The following RALGPS2 variants were observed in gnomAD, a reference collection of about 807,000 sequenced individuals.
RALGPS2 encodes the protein Ral GEF with PH domain and SH3 binding motif 2.
Under a neutral mutation model 86.8 loss-of-function variants are expected in RALGPS2, and 43 were observed. The observed-to-expected ratio is 0.50, with a 90% CI of 0.39 to 0.64. The LOEUF is 0.64. RALGPS2 is among the 30% of genes least tolerant of loss of function. The pLI is 0.00. For synonymous variants in RALGPS2, 243 were observed against 231.3 expected (o/e 1.05, Z -0.46); for missense variants, 536 against 694.6 (o/e 0.77, Z 2.57).
intron 8 of RALGPS2, among the ~76,000 whole-genome samples, chr1:178,839,802 A>C (rs1656490235): frequency 6.6e-6 from 1 of 152,192 alleles, no homozygotes; most frequent in Non-Finnish European, 1.5e-5. Context: ...CTCAAAATAA[A>C]GGGATGGAGG....
chr1:178,732,039 A>T (rs1026711339), intron 1 of RALGPS2, among the ~76,000 whole-genome samples: 1 of 152,150 alleles, frequency 6.6e-6, no homozygotes, highest in African/African-American at 2.4e-5. Context: ...AAGTATATGG[A>T]TAGACACATG....
chr1:178,739,938 C>T (rs1342923692), intron 1 of RALGPS2, among the ~76,000 whole-genome samples: 1 of 152,168 alleles, frequency 6.6e-6, no homozygotes, highest in Non-Finnish European at 1.5e-5. Context: ...ACAGATATAG[C>T]TATAAGGATG....
At chr1:178,784,376 GA>G (rs986035068) in intron 2 of RALGPS2, 41 bp from the exon 3 acceptor site, 30 of 1,470,040 alleles carry the variant, frequency 2.0e-5, no homozygotes, top group Non-Finnish European at 2.4e-5. Flanking sequence ...ACTTGATTGT[GA>G]GACAGTATGT....
chr1:178,749,652 T>C (rs1651538508), intron 1 of RALGPS2, among the ~76,000 whole-genome samples: 1 of 152,194 alleles, frequency 6.6e-6, no homozygotes, highest in African/African-American at 2.4e-5. Flanking sequence ...GTAAATTCAA[T>C]TTGATGAGGA....
chr1:178,892,453 C>A, intron 15 of RALGPS2, 146 bp downstream of exon 15: 1 of 662,390 alleles, frequency 1.5e-6, no homozygotes, highest in Non-Finnish European at 2.6e-6. Context: ...ACTTTCTTTC[C>A]AAGATCTAAT....
At chr1:178,889,785 A>G in intron 14 of RALGPS2, 89 bp downstream of exon 14, 1 of 909,544 alleles carries the variant, frequency 1.1e-6, no homozygotes, top group African/African-American at 1.7e-5. Context: ...AATATTTACT[A>G]CATATCCCTA....
At chr1:178,749,514 G>C (rs1651530060) in intron 1 of RALGPS2, among the ~76,000 whole-genome samples, 1 of 152,294 alleles carries the variant, frequency 6.6e-6, no homozygotes, top group Non-Finnish European at 1.5e-5. Flanking sequence ...ACCTTGAGGA[G>C]AGAGAAGGTA....
intron 6 of RALGPS2, among the ~76,000 whole-genome samples, chr1:178,814,407 T>C (rs1655131159): frequency 6.6e-6 from 1 of 152,192 alleles, no homozygotes; most frequent in Non-Finnish European, 1.5e-5. Flanking sequence ...ACAGAGTTCG[T>C]ACTAGCAGTG....
At chr1:178,825,230 G>C (rs891148562) in intron 7 of RALGPS2, among the ~76,000 whole-genome samples, 1 of 152,150 alleles carries the variant, frequency 6.6e-6, no homozygotes, top group Non-Finnish European at 1.5e-5. Context: ...CCAGAGATGG[G>C]ATTTTTCGAG....
chr1:178,810,080 T>TA lies in RALGPS2; in HGVS notation c.298-1222dup, dbSNP rs560014735. On this transcript the variant is annotated intron_variant, in intron 5 of 19. Transcript: ENST00000367635. ...TGGGCAACATACTAAGACCTTGTCT[T>TA]AAAAAAAAAAAAAGTCACGTTGGCC... Among the ~76,000 whole-genome samples the TA allele has an allele frequency of 2.4e-3, 332 of 141,258 alleles. 1 individual carries two copies. The highest frequency in any genetic ancestry group is 7.0e-3 in the South Asian group (31 of 4,442). The allele number at this position is 141,258 out of a possible 152,430, so 92.7% of individuals were successfully genotyped here. A position where few individuals can be genotyped will look rare whatever the true frequency, so the allele number is the denominator to read the frequency against.
chr1:178,763,444 A>G (rs1220981552), intron 1 of RALGPS2, among the ~76,000 whole-genome samples: 6 of 152,354 alleles, frequency 3.9e-5, no homozygotes, highest in Middle Eastern at 6.8e-3. Context: ...CAGCATGGCC[A>G]TTGGCCAAAC....
At chr1:178,751,374 A>T (rs904101090) in intron 1 of RALGPS2, among the ~76,000 whole-genome samples, 2 of 152,194 alleles carry the variant, frequency 1.3e-5, no homozygotes, top group African/African-American at 4.8e-5. Context: ...AGAAGTAAAT[A>T]CGAAGGAATT....
At position 178,756,077 on chromosome 1, in the gene RALGPS2, C is replaced by T. The variant is rs572936868; in HGVS notation, c.-83-20605C>T. 7.2e-5 allele frequency among the ~76,000 whole-genome samples: 11 copies of T among 152,232 alleles called. No homozygotes were observed. In the South Asian group the frequency reaches 2.1e-3, roughly 29 times the overall value. Reference sequence around the variant, plus strand: ...TAAATTTTGGGTATTAGACCTTTGTCAGATGCATAGTTGGTCAGTATTTTC... The same window carrying T: ...TAAATTTTGGGTATTAGACCTTTGTTAGATGCATAGTTGGTCAGTATTTTC... On this transcript the variant is annotated intron_variant, in intron 1 of 19. Coordinates refer to ENST00000367635, the MANE Select transcript of RALGPS2 (RefSeq NM_152663.5).
Position 178,823,784 on chromosome 1 carries a change from A to G in RALGPS2, c.480+2080A>G, listed in dbSNP as rs771227299. Among the ~76,000 whole-genome samples the G allele has an allele frequency of 9.9e-5, 15 of 152,260 alleles. 1 individual carries two copies. The South Asian group carries it at 1.0e-3, about 11-fold the overall frequency. Reference sequence around the variant, plus strand: ...AAGGACCATTGTGGGCTGGGGTTCTATTTTACACATACTGTGTTTGAGTTG... The same window carrying G: ...AAGGACCATTGTGGGCTGGGGTTCTGTTTTACACATACTGTGTTTGAGTTG... On this transcript the variant is annotated intron_variant, in intron 7 of 19. Transcript: ENST00000367635.
chr1:178,848,643 C>CA (rs1312211617), intron 8 of RALGPS2, among the ~76,000 whole-genome samples: 1 of 152,140 alleles, frequency 6.6e-6, no homozygotes, highest in Admixed American at 6.6e-5. Flanking sequence ...ATTTCATACC[C>CA]GAAAACTTGG....
chr1:178,811,290 AT>A, intron 5 of RALGPS2, 24 bp from the exon 6 acceptor site: 1 of 1,477,860 alleles, frequency 6.8e-7, no homozygotes. Flanking sequence ...TCATAGTGAT[AT>A]TTATTTAAAA....
rs1660404748 is a variant in RALGPS2, at chr1:178,906,803, A to G, written c.1658A>G (p.Asn553Ser). Residue 553 changes from asparagine to serine, a missense_variant, in exon 19 of 20, where the codon AAT becomes AGT. Asn to Ser is a conservative substitution (Grantham distance 46). Transcript: ENST00000367635. ...AATTCGTACAAGTTTCAAGCTGGCA[A>G]TAGAATGAATGCAATGTTATGGTTT... Reference protein sequence around the residue: ...KGNSYKFQAGNRMNAMLWFKH... With the variant: ...KGNSYKFQAGSRMNAMLWFKH... 3 of 1,608,668 alleles carry G rather than the reference A, an allele frequency of 1.9e-6. No homozygotes were observed. Among genetic ancestry groups the G allele is most frequent in the African/African-American group, 1.3e-5 (1 of 74,686 alleles).
intron 13 of RALGPS2, among the ~76,000 whole-genome samples, chr1:178,887,878 CT>C (rs1398554477): frequency 1.3e-5 from 2 of 152,074 alleles, no homozygotes; most frequent in Admixed American, 6.5e-5. Context: ...AAAGAAAGAA[CT>C]TTTTTTCAGT....
chr1:178,903,109 T>A (rs1006624796), intron 18 of RALGPS2, among the ~76,000 whole-genome samples: 1 of 152,090 alleles, frequency 6.6e-6, no homozygotes, highest in African/African-American at 2.4e-5. Flanking sequence ...TGTTGACAAG[T>A]ACCAGAAAGA....
Sources: gnomAD v4.1 joint callset for allele counts (sites outside exome capture counted in the v4.1 genomes callset) on GRCh38, gnomAD v4.1.1 for gene constraint, MANE v1.5 for transcripts, NCBI Gene and HGNC (gene_info 2026-07-23, HGNC 2026-07-21) for gene names.